ARHGAP10: variants seen among roughly 807,000 people sequenced by gnomAD.
The protein encoded by ARHGAP10 is rho GTPase-activating protein 10.
Under a neutral mutation model 108.6 loss-of-function variants are expected in ARHGAP10, and 87 were observed. The observed-to-expected ratio is 0.80, with a 90% CI of 0.67 to 0.96. The LOEUF (loss-of-function observed/expected upper bound fraction) is 0.96, where lower values mean the gene tolerates loss of function less well. ARHGAP10 is among the 40% of genes least tolerant of loss of function. The probability of loss-of-function intolerance (pLI) is 0.00; values close to 1 mark genes in which losing one functional copy is unlikely to be tolerated. For missense variants in ARHGAP10, 939 were observed against 954.5 expected (o/e 0.98, Z 0.21); for synonymous variants, 347 against 341.1 (o/e 1.02, Z -0.19).
chr4:147,992,519 T>C (rs1235437421), intron 18 of ARHGAP10, among the ~76,000 whole-genome samples: 1 of 152,156 alleles, frequency 6.6e-6, no homozygotes, highest in Non-Finnish European at 1.5e-5. Flanking sequence ...GCCATTCTCT[T>C]GTAGCCCTCC....
intron 1 of ARHGAP10, among the ~76,000 whole-genome samples, chr4:147,747,160 T>C (rs1346436235): frequency 6.6e-6 from 1 of 152,122 alleles, no homozygotes; most frequent in Non-Finnish European, 1.5e-5. Context: ...TCATCTTTTT[T>C]TTTTTTCCCC....
At chr4:147,815,423 A>G (rs913172069) in intron 1 of ARHGAP10, among the ~76,000 whole-genome samples, 1 of 152,188 alleles carries the variant, frequency 6.6e-6, no homozygotes, top group Non-Finnish European at 1.5e-5. Flanking sequence ...TTACATGGCA[A>G]AAGGGACTTT....
chr4:147,832,795 CATA>C (rs1409047446), intron 3 of ARHGAP10, among the ~76,000 whole-genome samples: 1 of 152,036 alleles, frequency 6.6e-6, no homozygotes. Context: ...CTTTGTAAGA[CATA>C]ATATTTTTCC....
intron 14 of ARHGAP10, among the ~76,000 whole-genome samples, chr4:147,942,434 A>T (rs1020207379): frequency 1.3e-5 from 2 of 152,142 alleles, no homozygotes; most frequent in African/African-American, 4.8e-5. Flanking sequence ...TTATTTAAAT[A>T]CTCATGTAAA....
At chr4:147,854,587 T>C (rs1167988907) in intron 4 of ARHGAP10, 3 of 444,790 alleles carry the variant, frequency 6.7e-6, no homozygotes, top group African/African-American at 2.1e-5. Context: ...TATATTTTTT[T>C]CTGTAATGCA....
Position 148,067,601 on chromosome 4 carries a change from T to A in ARHGAP10, c.2272+3094T>A, listed in dbSNP as rs184096184. ...CCCAAGACATTTTTCCTGTGTTCAC[T>A]TATCCATTTGGAGTCTTCCAGCCTC... On this transcript the variant is annotated intron_variant, in intron 22 of 22. Transcript: ENST00000336498. Among the ~76,000 whole-genome samples the A allele has an allele frequency of 1.6e-3, 238 of 152,366 alleles. 2 individuals carry two copies. The highest frequency in any genetic ancestry group is 5.5e-3 in the African/African-American group (229 of 41,594).
intron 13 of ARHGAP10, among the ~76,000 whole-genome samples, chr4:147,929,881 A>G (rs148417114): frequency 4.6e-5 from 7 of 152,336 alleles, no homozygotes; most frequent in Admixed American, 1.3e-4. Flanking sequence ...TGTATAACCC[A>G]TAGAGAAATC....
At chr4:147,825,439 T>C (rs1258025213) in intron 3 of ARHGAP10, among the ~76,000 whole-genome samples, 1 of 148,856 alleles carries the variant, frequency 6.7e-6, no homozygotes, top group African/African-American at 2.5e-5. Flanking sequence ...AGAGCGAGAC[T>C]CCATCTCAAA....
intron 11 of ARHGAP10, 88 bp downstream of exon 11, chr4:147,906,807 G>A (rs1220041783): frequency 6.6e-7 from 1 of 1,521,690 alleles, no homozygotes; most frequent in African/African-American, 1.4e-5. Context: ...TAGTATTTGA[G>A]AAAAGTTCCC....
intron 1 of ARHGAP10, among the ~76,000 whole-genome samples, chr4:147,788,175 G>T (rs1399405061): frequency 2.0e-5 from 3 of 151,942 alleles, no homozygotes; most frequent in Admixed American, 1.3e-4. Context: ...GGCCAGGCAT[G>T]GTGGCTTGCA....
intron 20 of ARHGAP10, among the ~76,000 whole-genome samples, chr4:148,060,004 AG>A (rs1729538329): frequency 2.4e-5 from 3 of 127,648 alleles, no homozygotes; most frequent in African/African-American, 8.8e-5. Context: ...GGGGAGAGAG[AG>A]GAGAGAGAGA....
intron 18 of ARHGAP10, among the ~76,000 whole-genome samples, chr4:148,003,009 G>A (rs1560869389): frequency 6.6e-6 from 1 of 151,994 alleles, no homozygotes; most frequent in East Asian, 1.9e-4. Flanking sequence ...GTGATGTTAG[G>A]GTGTTAATTT....
At chr4:147,876,480 C>A (rs1489426078) in intron 8 of ARHGAP10, among the ~76,000 whole-genome samples, 1 of 151,994 alleles carries the variant, frequency 6.6e-6, no homozygotes, top group South Asian at 2.1e-4. Context: ...GTAGTCCCAG[C>A]TACTCGGGAG....
At chr4:147,841,244 A>C (rs1257929334) in intron 3 of ARHGAP10, among the ~76,000 whole-genome samples, 1 of 152,262 alleles carries the variant, frequency 6.6e-6, no homozygotes, top group African/African-American at 2.4e-5. Flanking sequence ...GAGCTATCCA[A>C]AACCCTTTCC....
chr4:147,854,376 C>A (rs1480793862), intron 4 of ARHGAP10, among the ~76,000 whole-genome samples: 1 of 152,192 alleles, frequency 6.6e-6, no homozygotes, highest in Non-Finnish European at 1.5e-5. Flanking sequence ...CTGCCTTCTT[C>A]TCTGGAGTAG....
intron 10 of ARHGAP10, among the ~76,000 whole-genome samples, chr4:147,890,998 G>T (rs1735776393): frequency 6.6e-6 from 1 of 152,208 alleles, no homozygotes; most frequent in South Asian, 2.1e-4. Context: ...CAAGAATGTA[G>T]AGAAATTGAA....
At chr4:147,906,286 A>G (rs929033066) in intron 10 of ARHGAP10, among the ~76,000 whole-genome samples, 8 of 152,232 alleles carry the variant, frequency 5.3e-5, no homozygotes, top group Admixed American at 2.6e-4. Flanking sequence ...AAGCAACCCA[A>G]GTGTCTGCGG....
At chr4:147,799,670 A>G (rs1731495339) in intron 1 of ARHGAP10, among the ~76,000 whole-genome samples, 2 of 152,332 alleles carry the variant, frequency 1.3e-5, no homozygotes, top group South Asian at 2.1e-4. Context: ...GGTTTTTAAA[A>G]TAATTTCACT....
chr4:148,040,969 A>T (rs550972263), intron 19 of ARHGAP10, among the ~76,000 whole-genome samples: 4 of 152,262 alleles, frequency 2.6e-5, no homozygotes, highest in African/African-American at 9.6e-5. Flanking sequence ...TTTTGATCCT[A>T]TTAACTACTT....
Sources: allele counts gnomAD v4.1 joint callset (sites outside exome capture counted in the v4.1 genomes callset), GRCh38; gene constraint gnomAD v4.1.1; transcripts MANE v1.5; gene names NCBI Gene and HGNC (gene_info 2026-07-23, HGNC 2026-07-21).